The following SGCZ variants were observed in gnomAD, a reference collection of about 807,000 sequenced individuals.
SGCZ encodes the protein zeta-sarcoglycan.
SGCZ carries 40 observed loss-of-function variants against 41.3 expected under a neutral mutation model. The ratio of observed to expected loss-of-function variants is 0.97; its 90% CI spans 0.75 to 1.26. The LOEUF is 1.26. SGCZ is among the 50% of genes most tolerant of loss of function. The pLI, the probability that SGCZ is intolerant of heterozygous loss-of-function variation, is 0.00. For synonymous variants in SGCZ, 206 were observed against 137.5 expected (o/e 1.50, Z -3.49); for missense variants, 552 against 369.8 (o/e 1.49, Z -4.04).
intron 1 of SGCZ, among the ~76,000 whole-genome samples, chr8:14,792,140 T>C (rs576180255): frequency 2.5e-4 from 38 of 152,320 alleles, no homozygotes; most frequent in African/African-American, 7.9e-4. Context: ...CAACAATGCA[T>C]AGAAAGGTGT....
intron 2 of SGCZ, among the ~76,000 whole-genome samples, chr8:14,491,281 C>CA (rs1801835193): frequency 6.7e-6 from 1 of 148,998 alleles, no homozygotes; most frequent in African/African-American, 2.5e-5. Context: ...ACCCACCCAC[C>CA]CACACACACA....
chr8:14,500,914 C>A (rs1357114582), intron 2 of SGCZ, among the ~76,000 whole-genome samples: 1 of 151,772 alleles, frequency 6.6e-6, no homozygotes, highest in Non-Finnish European at 1.5e-5. Context: ...AAAGGGAAAC[C>A]ATGAATAATT....
At chr8:14,969,311 TG>T (rs1801219479) in intron 1 of SGCZ, among the ~76,000 whole-genome samples, 1 of 152,166 alleles carries the variant, frequency 6.6e-6, no homozygotes, top group African/African-American at 2.4e-5. Flanking sequence ...TCCTATCTGT[TG>T]CAGAGGACTA....
chr8:14,406,953 C>A (rs1203741848), intron 2 of SGCZ, among the ~76,000 whole-genome samples: 7 of 151,878 alleles, frequency 4.6e-5, no homozygotes, highest in Non-Finnish European at 2.9e-5. Context: ...CTTTAGAATT[C>A]TTTCACGGGT....
At chr8:14,718,379 A>T (rs1212820142) in intron 1 of SGCZ, among the ~76,000 whole-genome samples, 2 of 151,706 alleles carry the variant, frequency 1.3e-5, no homozygotes, top group Non-Finnish European at 2.9e-5. Context: ...AAATGTCACT[A>T]AAAAAAAGAG....
intron 1 of SGCZ, among the ~76,000 whole-genome samples, chr8:14,620,332 A>C (rs897124615): frequency 6.6e-6 from 1 of 152,194 alleles, no homozygotes; most frequent in African/African-American, 2.4e-5. Context: ...AAACCATAAA[A>C]ACCCTAGAAG....
intron 1 of SGCZ, among the ~76,000 whole-genome samples, chr8:15,224,539 A>T (rs893032376): frequency 2.0e-5 from 3 of 152,188 alleles, no homozygotes; most frequent in Non-Finnish European, 4.4e-5. Flanking sequence ...AATTTCTGGG[A>T]TTAAACATAA....
At chr8:14,113,572 T>G (rs13257715) in intron 5 of SGCZ, among the ~76,000 whole-genome samples, 34 of 151,880 alleles carry the variant, frequency 2.2e-4, no homozygotes, top group Non-Finnish European at 2.9e-5. Context: ...CTAGTTTGAT[T>G]AATGGTAAAA....
chr8:14,769,622 T>A (rs187206901), intron 1 of SGCZ, among the ~76,000 whole-genome samples: 1 of 151,600 alleles, frequency 6.6e-6, no homozygotes, highest in African/African-American at 2.4e-5. Flanking sequence ...CGAAACCCAG[T>A]CTCTACTAAA....
rs17120801 is a variant in SGCZ, at chr8:15,052,982, C to G, written c.39+184603G>C. ...CTTTGACCACACTCAAGGCATAGTT[C>G]CTACATTTCCAACAGCAAAAACCTA... On this transcript the variant is annotated intron_variant, in intron 1 of 7. Transcript: ENST00000382080. 9.4e-3 allele frequency among the ~76,000 whole-genome samples: 1,426 copies of G among 152,232 alleles called. 23 individuals carry two copies. Among genetic ancestry groups the G allele is most frequent in the African/African-American group, 0.033 (1,357 of 41,544 alleles).
chr8:14,606,915 T>C (rs1181689796), intron 1 of SGCZ, among the ~76,000 whole-genome samples: 2 of 152,152 alleles, frequency 1.3e-5, no homozygotes, highest in African/African-American at 4.8e-5. Context: ...GGTAAATTGA[T>C]CAATAAGTGG....
chr8:15,136,259 T>G (rs1808101586), intron 1 of SGCZ, among the ~76,000 whole-genome samples: 1 of 152,128 alleles, frequency 6.6e-6, no homozygotes, highest in South Asian at 2.1e-4. Flanking sequence ...AAACTTTCTG[T>G]GCCTCAACTG....
intron 1 of SGCZ, among the ~76,000 whole-genome samples, chr8:14,669,112 A>G (rs930237776): frequency 2.0e-5 from 3 of 151,970 alleles, no homozygotes; most frequent in African/African-American, 7.2e-5. Flanking sequence ...AGGCAGGTGA[A>G]TCACTTGAGC....
chr8:14,848,500 A>G (rs1423595280), intron 1 of SGCZ, among the ~76,000 whole-genome samples: 2 of 152,206 alleles, frequency 1.3e-5, no homozygotes, highest in African/African-American at 2.4e-5. Flanking sequence ...TAGAGAAAAT[A>G]ATAGACATAT....
At chr8:14,376,827 A>G (rs1756368444) in intron 2 of SGCZ, among the ~76,000 whole-genome samples, 1 of 152,232 alleles carries the variant, frequency 6.6e-6, no homozygotes, top group African/African-American at 2.4e-5. Context: ...AAATGATAAT[A>G]CATAAACAAT....
At chr8:15,083,432 T>A (rs2131049178) in intron 1 of SGCZ, among the ~76,000 whole-genome samples, 1 of 152,310 alleles carries the variant, frequency 6.6e-6, no homozygotes, top group Middle Eastern at 3.4e-3. Context: ...AAATTAAAAA[T>A]TTCCTTTAAT....
intron 2 of SGCZ, among the ~76,000 whole-genome samples, chr8:14,448,317 T>TC (rs1233679706): frequency 6.6e-6 from 1 of 152,194 alleles, no homozygotes; most frequent in African/African-American, 2.4e-5. Context: ...CAGAAACTTT[T>TC]CTGATATCAA....
chr8:15,217,177 G>T (rs1164843035), intron 1 of SGCZ, among the ~76,000 whole-genome samples: 1 of 152,082 alleles, frequency 6.6e-6, no homozygotes, highest in Non-Finnish European at 1.5e-5. Flanking sequence ...CAGCACTTTG[G>T]GAGGCCGAGG....
chr8:14,855,218 T>A (rs1369801096), intron 1 of SGCZ, among the ~76,000 whole-genome samples: 4 of 151,770 alleles, frequency 2.6e-5, no homozygotes, highest in Admixed American at 6.6e-5. Context: ...TCCACCTAAC[T>A]TTCGTATTTT....
Sources: allele counts gnomAD v4.1 joint callset (sites outside exome capture counted in the v4.1 genomes callset), GRCh38; gene constraint gnomAD v4.1.1; transcripts MANE v1.5; gene names NCBI Gene and HGNC (gene_info 2026-07-23, HGNC 2026-07-21).